The following SLC4A4 variants were observed in gnomAD, a reference collection of about 807,000 sequenced individuals.
SLC4A4 encodes solute carrier family 4 member 4, also known as electrogenic sodium bicarbonate cotransporter 1.
In SLC4A4, 27 loss-of-function variants were observed where a neutral mutation model predicts 111.5. That is an observed-to-expected ratio of 0.24 (90% CI 0.18 to 0.33). The LOEUF is 0.33. SLC4A4 is among the 10% of genes least tolerant of loss of function. The pLI is 1.00. For missense variants in SLC4A4, 909 were observed against 1,315.5 expected (o/e 0.69, Z 4.78); for synonymous variants, 443 against 463.4 (o/e 0.96, Z 0.57).
intron 1 of SLC4A4, among the ~76,000 whole-genome samples, chr4:71,088,022 A>G (rs1742243581): frequency 6.6e-6 from 1 of 151,866 alleles, no homozygotes; most frequent in South Asian, 2.1e-4. Flanking sequence ...ATCTCCCATT[A>G]TTATTGTGTG....
At chr4:71,367,841 C>G (rs191503322) in intron 6 of SLC4A4, among the ~76,000 whole-genome samples, 2 of 152,258 alleles carry the variant, frequency 1.3e-5, no homozygotes, top group African/African-American at 4.8e-5. Flanking sequence ...TTATAATGTG[C>G]CGAATGCCCA....
chr4:71,457,511 A>G (rs1375283493), intron 12 of SLC4A4, among the ~76,000 whole-genome samples: 1 of 152,114 alleles, frequency 6.6e-6, no homozygotes, highest in Admixed American at 6.6e-5. Flanking sequence ...CTGAGATGCA[A>G]CCCTGGCTTG....
intron 2 of SLC4A4, among the ~76,000 whole-genome samples, chr4:71,181,407 T>G (rs1250178112): frequency 6.6e-6 from 1 of 152,166 alleles, no homozygotes; most frequent in African/African-American, 2.4e-5. Flanking sequence ...GTGATAAGTC[T>G]TCCTCCCTAT....
intron 15 of SLC4A4, 86 bp downstream of exon 15, chr4:71,487,104 T>C (rs1729476734): frequency 2.5e-6 from 2 of 810,446 alleles, no homozygotes. Flanking sequence ...TGATGTCTTC[T>C]ACCACTCAGC....
At chr4:71,132,840 A>G (rs1343401610) in intron 2 of SLC4A4, among the ~76,000 whole-genome samples, 1 of 152,162 alleles carries the variant, frequency 6.6e-6, no homozygotes, top group Non-Finnish European at 1.5e-5. Context: ...CTCTGTTATC[A>G]TTGTCCTCTT....
intron 2 of SLC4A4, among the ~76,000 whole-genome samples, chr4:71,169,097 C>T (rs1230339637): frequency 6.6e-6 from 1 of 151,980 alleles, no homozygotes; most frequent in Admixed American, 6.6e-5. Flanking sequence ...TGACTCACTG[C>T]AACCTCCGCC....
intron 7 of SLC4A4, among the ~76,000 whole-genome samples, chr4:71,420,593 G>A (rs942536512): frequency 2.4e-4 from 36 of 152,234 alleles, no homozygotes; most frequent in Admixed American, 1.4e-3. Context: ...GAGAAAGGTC[G>A]GGTTACTCAC....
intron 1 of SLC4A4, among the ~76,000 whole-genome samples, chr4:71,083,874 C>T (rs1578461472): frequency 6.8e-6 from 1 of 147,748 alleles, no homozygotes; most frequent in Admixed American, 7.0e-5. Context: ...ACTTGTAGTG[C>T]ATTGCCTGGC....
At chr4:71,229,799 G>C (rs1719287941) in intron 1 of SLC4A4, among the ~76,000 whole-genome samples, 1 of 150,372 alleles carries the variant, frequency 6.7e-6, no homozygotes, top group African/African-American at 2.5e-5. Context: ...GGCCTTCTTA[G>C]AGCCCCTGCG....
chr4:71,428,042 A>G (rs566580140), intron 7 of SLC4A4, among the ~76,000 whole-genome samples: 1 of 152,186 alleles, frequency 6.6e-6, no homozygotes, highest in Non-Finnish European at 1.5e-5. Context: ...CCTTGAATTT[A>G]TCAAACTCTA....
At chr4:71,173,890 C>A (rs1030081006) in intron 2 of SLC4A4, among the ~76,000 whole-genome samples, 1 of 152,054 alleles carries the variant, frequency 6.6e-6, no homozygotes, top group Non-Finnish European at 1.5e-5. Flanking sequence ...GAAAGTGATA[C>A]CACTACTAAC....
chr4:71,156,573 TGCGCGC>T (rs771841334), intron 2 of SLC4A4, among the ~76,000 whole-genome samples: 2 of 85,642 alleles, frequency 2.3e-5, no homozygotes, highest in Non-Finnish European at 3.4e-5. Flanking sequence ...TGTGCGCGCA[TGCGCGC>T]GCGCGCGCGC....
intron 7 of SLC4A4, among the ~76,000 whole-genome samples, chr4:71,426,339 A>G (rs1723131932): frequency 6.6e-6 from 1 of 151,996 alleles, no homozygotes; most frequent in African/African-American, 2.4e-5. Flanking sequence ...GGGGCTTAGA[A>G]TTTTTAGTTT....
intron 1 of SLC4A4, chr4:71,236,234 A>C: frequency 1.0e-6 from 1 of 958,044 alleles, no homozygotes; most frequent in Non-Finnish European, 1.3e-6. Context: ...CTCTCTTGGT[A>C]TTTTTTTTTT....
At chr4:71,536,484 A>ATATATG (rs1456558456) in intron 18 of SLC4A4, among the ~76,000 whole-genome samples, 1 of 106,324 alleles carries the variant, frequency 9.4e-6, no homozygotes, top group African/African-American at 3.3e-5. Context: ...ATATATATAT[A>ATATATG]TATGTATATA....
chr4:71,330,109 C>T (rs1000284689), intron 3 of SLC4A4, among the ~76,000 whole-genome samples: 22 of 152,116 alleles, frequency 1.4e-4, no homozygotes, highest in African/African-American at 3.1e-4. Flanking sequence ...TGATGTATCA[C>T]GTTAATTGAT....
intron 2 of SLC4A4, among the ~76,000 whole-genome samples, chr4:71,163,408 C>T (rs1366253760): frequency 6.6e-6 from 1 of 152,142 alleles, no homozygotes; most frequent in Non-Finnish European, 1.5e-5. Flanking sequence ...CCTTTAACTC[C>T]AAAATACCAG....
intron 1 of SLC4A4, among the ~76,000 whole-genome samples, chr4:71,089,988 C>A (rs932754375): frequency 1.3e-5 from 2 of 148,882 alleles, no homozygotes; most frequent in African/African-American, 4.9e-5. Context: ...TGCCCTGCCC[C>A]CAGAGGTGGA....
intron 6 of SLC4A4, among the ~76,000 whole-genome samples, chr4:71,393,046 C>A (rs1029629170): frequency 1.3e-5 from 2 of 152,040 alleles, no homozygotes; most frequent in African/African-American, 4.8e-5. Flanking sequence ...CTATGACAAA[C>A]CCACAGCCAA....
Sources: gnomAD v4.1 joint callset for allele counts (sites outside exome capture counted in the v4.1 genomes callset) on GRCh38, gnomAD v4.1.1 for gene constraint, MANE v1.5 for transcripts, NCBI Gene and HGNC (gene_info 2026-07-23, HGNC 2026-07-21) for gene names.